TBC1D32: variants seen among roughly 807,000 people sequenced by gnomAD.
TBC1D32 encodes the protein TBC1 domain family member 32, also known as protein broad-minded.
A neutral mutation model predicts 170.3 loss-of-function variants in TBC1D32; 151 were observed. The observed-to-expected ratio is 0.89, with a 90% confidence interval of 0.78 to 1.01. The LOEUF (loss-of-function observed/expected upper bound fraction) is 1.01. Ranked by LOEUF, TBC1D32 falls within the 50% of genes least tolerant of loss-of-function variation. The pLI, the probability that TBC1D32 is intolerant of heterozygous loss-of-function variation, is 0.00. For missense variants in TBC1D32, 1,464 were observed against 1,457.1 expected (o/e 1.00, Z -0.08); for synonymous variants, 498 against 488.0 (o/e 1.02, Z -0.27).
At chr6:121,146,701 T>C (rs1234978622) in intron 24 of TBC1D32, among the ~76,000 whole-genome samples, 10 of 152,204 alleles carry the variant, frequency 6.6e-5, no homozygotes, top group Non-Finnish European at 1.5e-4. Context: ...TTACTCCTTT[T>C]CCTGAATCAT....
At chr6:121,152,858 C>T (rs1784384757) in intron 24 of TBC1D32, among the ~76,000 whole-genome samples, 1 of 152,090 alleles carries the variant, frequency 6.6e-6, no homozygotes, top group Non-Finnish European at 1.5e-5. Context: ...CATCAGGTCA[C>T]TTATGTTCTT....
At chr6:121,162,766 GAGCGAC>G (rs1227426104) in intron 22 of TBC1D32, among the ~76,000 whole-genome samples, 3 of 146,280 alleles carry the variant, frequency 2.1e-5, no homozygotes, top group Non-Finnish European at 4.5e-5. Context: ...CTCCCAGCGT[GAGCGAC>G]GCAGAAAACA....
At chr6:121,282,612 C>T (rs980847462) in intron 13 of TBC1D32, among the ~76,000 whole-genome samples, 1 of 151,728 alleles carries the variant, frequency 6.6e-6, no homozygotes, top group Non-Finnish European at 1.5e-5. Context: ...ACCCTGTTTA[C>T]AAGGACAGAT....
chr6:121,227,786 T>C (rs1327811999), intron 20 of TBC1D32, among the ~76,000 whole-genome samples: 3 of 152,138 alleles, frequency 2.0e-5, no homozygotes, highest in Non-Finnish European at 4.4e-5. Context: ...TTTTTGGTGA[T>C]GTTTTTATAT....
chr6:121,139,121 C>T (rs1782486901), intron 24 of TBC1D32, among the ~76,000 whole-genome samples: 1 of 152,166 alleles, frequency 6.6e-6, no homozygotes, highest in South Asian at 2.1e-4. Flanking sequence ...GCTGGGATTA[C>T]AGGAGTGAGC....
intron 30 of TBC1D32, among the ~76,000 whole-genome samples, chr6:121,101,967 C>A (rs1051555341): frequency 2.6e-5 from 4 of 151,794 alleles, no homozygotes; most frequent in Non-Finnish European, 4.4e-5. Context: ...GAGCCAAATC[C>A]TGAGTGAACT....
intron 3 of TBC1D32, among the ~76,000 whole-genome samples, chr6:121,311,463 C>T (rs1808190065): frequency 6.6e-6 from 1 of 152,172 alleles, no homozygotes; most frequent in African/African-American, 2.4e-5. Context: ...GGCGCAGTGG[C>T]TCACACCCAT....
chr6:121,331,687 A>C (rs1811238142), intron 1 of TBC1D32, among the ~76,000 whole-genome samples: 1 of 152,214 alleles, frequency 6.6e-6, no homozygotes, highest in Non-Finnish European at 1.5e-5. Context: ...TAAGTGTTGA[A>C]GGAGAGTCAG....
chr6:121,239,278 G>T (rs1583345221), intron 19 of TBC1D32, 90 bp from the exon 20 acceptor site: 2 of 697,626 alleles, frequency 2.9e-6, no homozygotes, highest in African/African-American at 1.7e-5. Flanking sequence ...GATGAATCTG[G>T]TCTACTCTGA....
intron 26 of TBC1D32, among the ~76,000 whole-genome samples, chr6:121,126,053 T>C (rs1005251046): frequency 3.3e-5 from 5 of 152,132 alleles, no homozygotes; most frequent in Non-Finnish European, 2.9e-5. Flanking sequence ...CATCAATATA[T>C]GAGAGATAGG....
chr6:121,156,732 C>T (rs1420694589), intron 24 of TBC1D32, among the ~76,000 whole-genome samples: 1 of 73,802 alleles, frequency 1.4e-5, no homozygotes, highest in Non-Finnish European at 5.5e-5. Flanking sequence ...TGATTAGTTT[C>T]AAAGAAAGTT....
chr6:121,122,076 T>A (rs1490374142), intron 26 of TBC1D32, among the ~76,000 whole-genome samples: 19 of 152,044 alleles, frequency 1.2e-4, no homozygotes, highest in Admixed American at 9.8e-4. Flanking sequence ...TGTACAATCA[T>A]TCCATCCTCC....
intron 24 of TBC1D32, chr6:121,139,901 T>G (rs1309391186): frequency 6.6e-6 from 1 of 152,180 alleles, no homozygotes; most frequent in South Asian, 2.1e-4. Flanking sequence ...AACAATTTTC[T>G]AACTGTTCTA....
At chr6:121,235,182 C>T (rs954270523) in intron 20 of TBC1D32, among the ~76,000 whole-genome samples, 2 of 152,130 alleles carry the variant, frequency 1.3e-5, no homozygotes, top group Admixed American at 6.5e-5. Flanking sequence ...GTTGCTTGGC[C>T]TCCAGCCAGG....
At chr6:121,229,167 A>G (rs1795417586) in intron 20 of TBC1D32, among the ~76,000 whole-genome samples, 1 of 152,058 alleles carries the variant, frequency 6.6e-6, no homozygotes, top group Admixed American at 6.6e-5. Flanking sequence ...CTGTGCCTAC[A>G]ATTACCTCGC....
intron 2 of TBC1D32, among the ~76,000 whole-genome samples, chr6:121,319,390 C>CA (rs1216947771): frequency 3.3e-5 from 5 of 151,972 alleles, no homozygotes; most frequent in Non-Finnish European, 5.9e-5. Context: ...TTCTGGGCAG[C>CA]AAAAAACAGG....
intron 30 of TBC1D32, among the ~76,000 whole-genome samples, chr6:121,105,471 TA>T (rs1432616063): frequency 6.6e-6 from 1 of 151,880 alleles, no homozygotes; most frequent in East Asian, 1.9e-4. Flanking sequence ...AGCCTAATTA[TA>T]ACATAGTGAA....
At chr6:121,098,991 C>T (rs1777724691) in intron 30 of TBC1D32, among the ~76,000 whole-genome samples, 1 of 151,904 alleles carries the variant, frequency 6.6e-6, no homozygotes, top group Non-Finnish European at 1.5e-5. Flanking sequence ...TCATATCCTG[C>T]TTTGCATTTG....
intron 22 of TBC1D32, among the ~76,000 whole-genome samples, chr6:121,202,147 A>G (rs2128300561): frequency 6.6e-6 from 1 of 151,062 alleles, no homozygotes; most frequent in Non-Finnish European, 1.5e-5. Flanking sequence ...CTACTAGCAT[A>G]TAAATGATAT....
Sources: gnomAD v4.1 joint callset for allele counts (sites outside exome capture counted in the v4.1 genomes callset) on GRCh38, gnomAD v4.1.1 for gene constraint, MANE v1.5 for transcripts, NCBI Gene and HGNC (gene_info 2026-07-23, HGNC 2026-07-21) for gene names.